ARFRP1: variants seen among roughly 807,000 people sequenced by gnomAD.
The protein encoded by ARFRP1 is ADP-ribosylation factor-related protein 1.
ARFRP1 carries 19 observed loss-of-function variants against 30.3 expected under a neutral mutation model. The observed-to-expected ratio is 0.63, with a 90% CI of 0.44 to 0.92. ARFRP1 has a LOEUF of 0.92. ARFRP1 is among the 40% of genes least tolerant of loss of function. The pLI is 0.00. For missense variants in ARFRP1, 245 were observed against 267.5 expected, an observed-to-expected ratio of 0.92 and a Z score of 0.59; for synonymous variants, 133 against 114.2, an observed-to-expected ratio of 1.16 and a Z score of -1.05.
chr20:63,705,826 C>T, intron 4 of ARFRP1: 1 of 506,528 alleles, frequency 2.0e-6, no homozygotes, highest in East Asian at 5.6e-5. Flanking sequence ...ACCTCTCTGA[C>T]TTGGCCAGCG....
Position 63,698,794 on chromosome 20 carries a change from C to T in ARFRP1, c.*1649G>A. ...ATCAGAACTGCTGCCCGGGGCTTCC[C>T]CTACCTCAGACAGACCCTCCCTGGG... On this transcript the variant is annotated 3_prime_UTR_variant, in exon 8 of 8. Transcript: ENST00000622789. 1 of 461,836 alleles carries T rather than the reference C, an allele frequency of 2.2e-6. No individual in the cohort carries two copies. The highest frequency in any genetic ancestry group is 3.7e-6 in the Non-Finnish European group (1 of 270,994). 28.6% of individuals were successfully genotyped at this position (461,836 alleles called of 1,614,324 possible).
At position 63,699,618 on chromosome 20, in the gene ARFRP1, T is replaced by C. The variant is rs1215434643; in HGVS notation, c.*825A>G. The stretch of plus-strand genomic sequence containing the variant: ...ACAGCACTCGGCAGGCCCAGTGGGG[T>C]CCGTGCAGGGAGGACCCCAGGACCA... On this transcript the variant is annotated 3_prime_UTR_variant, in exon 8 of 8. Transcript: ENST00000622789. 1 of 151,980 alleles carries C rather than the reference T, an allele frequency of 6.6e-6. No individual in the cohort carries two copies. Among genetic ancestry groups the C allele is most frequent in the East Asian group, 1.9e-4 (1 of 5,236 alleles). 9.4% of individuals were successfully genotyped at this position (151,980 alleles called of 1,614,324 possible). A position where few individuals can be genotyped will look rare whatever the true frequency, so the allele number is the denominator to read the frequency against.
chr20:63,705,140 T>C (rs2091393613), intron 4 of ARFRP1: 1 of 152,948 alleles, frequency 6.5e-6, no homozygotes. Flanking sequence ...TCCCCAAGCA[T>C]GCTGCGCACT....
intron 5 of ARFRP1, 77 bp downstream of exon 5, chr20:63,702,059 C>T (rs1330031855): frequency 2.7e-6 from 4 of 1,506,040 alleles, no homozygotes; most frequent in Non-Finnish European, 2.7e-6. Flanking sequence ...TGAGCCTGCC[C>T]CAGGCACAGA....
intron 5 of ARFRP1, 96 bp downstream of exon 5, chr20:63,702,040 A>C (rs1473332965): frequency 3.7e-6 from 4 of 1,085,538 alleles, no homozygotes; most frequent in Middle Eastern, 3.3e-4. Context: ...AGCACTTCTG[A>C]CCAGACACTG....
chr20:63,705,934 T>G (rs968097577), intron 4 of ARFRP1: 4 of 350,388 alleles, frequency 1.1e-5, no homozygotes, highest in African/African-American at 8.6e-5. Context: ...TTTCAAAACA[T>G]TGAAAGAAAC....
intron 2 of ARFRP1, 127 bp downstream of exon 2, chr20:63,706,872 G>T: frequency 1.6e-6 from 2 of 1,283,788 alleles, no homozygotes; most frequent in South Asian, 1.2e-5. Context: ...GGCTGGTGGT[G>T]ACTATCCTGC....
chr20:63,702,010 C>CCCCCCCCCCCCCCCA, intron 5 of ARFRP1, 110 bp from the exon 6 acceptor site: 1 of 893,208 alleles, frequency 1.1e-6, no homozygotes, highest in South Asian at 1.7e-5. Flanking sequence ...CCCCCCCCCC[C>CCCCCCCCCCCCCCCA]CCGTCACCCA....
At chr20:63,700,575 G>A in intron 7 of ARFRP1, 27 bp downstream of exon 7, 2 of 1,610,344 alleles carry the variant, frequency 1.2e-6, no homozygotes, top group African/African-American at 2.7e-5. Flanking sequence ...GGTCCCCAAA[G>A]CCCCCGCAGG....
chr20:63,701,424 A>C, intron 6 of ARFRP1: 1 of 506,192 alleles, frequency 2.0e-6, no homozygotes. Flanking sequence ...TGGGGCTGGC[A>C]CAGATGCCAC....
At chr20:63,701,998 G>GCCCACCCCCCCCCCC in intron 5 of ARFRP1, 98 bp from the exon 6 acceptor site, 2 of 583,916 alleles carry the variant, frequency 3.4e-6, no homozygotes, top group Non-Finnish European at 5.1e-6. Context: ...CACTCCCTCT[G>GCCCACCCCCCCCCCC]CCCCCCCCCC....
At chr20:63,706,560 C>A in intron 3 of ARFRP1, 91 bp downstream of exon 3, 1 of 1,519,244 alleles carries the variant, frequency 6.6e-7, no homozygotes, top group Admixed American at 1.7e-5. Context: ...TGAGAGGGGC[C>A]CGACAGGGCT....
rs750763760 is a variant in ARFRP1, at chr20:63,698,922, G to C, written c.*1521C>G. 4 of 191,284 alleles carry C rather than the reference G, an allele frequency of 2.1e-5. No homozygotes were observed. The highest frequency in any genetic ancestry group is 3.2e-5 in the Non-Finnish European group (3 of 94,572). 11.8% of individuals were successfully genotyped at this position (191,284 alleles called of 1,614,324 possible). ...AGGGCCTGGGAGGGTATCATTGCTG[G>C]AAGAACAGGATGGGGCTCAGGCCAG... On this transcript the variant is annotated 3_prime_UTR_variant, in exon 8 of 8. Transcript: ENST00000622789.
At chr20:63,702,252 C>G (rs750424635) in intron 4 of ARFRP1, 35 bp from the exon 5 acceptor site, 1 of 1,586,704 alleles carries the variant, frequency 6.3e-7, no homozygotes, top group Non-Finnish European at 8.6e-7. Flanking sequence ...GGCTCAGTCC[C>G]CACCCTGCCA....
rs769912062 is a variant in ARFRP1, at chr20:63,702,127, C to T, written c.346+9G>A. 41 of 1,609,834 alleles carry T rather than the reference C, an allele frequency of 2.5e-5. No individual in the cohort carries two copies. Among genetic ancestry groups the T allele is most frequent in the Middle Eastern group, 1.6e-4 (1 of 6,066 alleles). On this transcript the variant is annotated intron_variant, in intron 5 of 7. Transcript: ENST00000622789. ...TCCATCCCTCCCAGAGCAGCCAGGC[C>T]GCACTCACCAAACGCCTGCTTGGAC... is the stretch of plus-strand genomic sequence containing the variant.
intron 5 of ARFRP1, 102 bp downstream of exon 5, chr20:63,702,034 C>T: frequency 8.7e-7 from 1 of 1,150,772 alleles, no homozygotes; most frequent in Non-Finnish European, 1.2e-6. Context: ...GGCAGGAGCA[C>T]TTCTGACCAG....
At chr20:63,707,159 C>T (rs2091520543) in intron 1 of ARFRP1, 62 bp from the exon 2 acceptor site, 1 of 1,457,740 alleles carries the variant, frequency 6.9e-7, no homozygotes, top group Non-Finnish European at 9.3e-7. Context: ...CCGGGCTTCT[C>T]CACGGTGGTC....
intron 6 of ARFRP1, chr20:63,701,230 GC>G: frequency 1.9e-6 from 1 of 531,270 alleles, no homozygotes; most frequent in South Asian, 1.4e-5. Flanking sequence ...GGGGAGGCCA[GC>G]CTTACAGGCT....
intron 6 of ARFRP1, 128 bp from the exon 7 acceptor site, chr20:63,700,830 G>C (rs773806414): frequency 6.9e-6 from 9 of 1,304,342 alleles, no homozygotes; most frequent in African/African-American, 5.9e-5. Context: ...CAGGGTCCCA[G>C]TGTCTCCCAC....
Sources: allele counts gnomAD v4.1 joint callset, GRCh38; gene constraint gnomAD v4.1.1; transcripts MANE v1.5; gene names NCBI Gene and HGNC (gene_info 2026-07-23, HGNC 2026-07-21).